Variants in IKBKB observed in about 807,000 individuals in gnomAD.
IKBKB encodes the protein inhibitor of nuclear factor kappa-B kinase subunit beta.
IKBKB carries 42 observed loss-of-function variants against 113.6 expected under a neutral mutation model. The observed-to-expected ratio is 0.37, with a 90% CI of 0.29 to 0.48. IKBKB has a LOEUF of 0.48. IKBKB is among the 20% of genes least tolerant of loss of function. IKBKB has a pLI of 0.99. For synonymous variants in IKBKB, 296 were observed against 361.3 expected (o/e 0.82, Z 2.05); for missense variants, 673 against 939.7 (o/e 0.72, Z 3.71).
At chr8:42,295,029 A>AT (rs371376259) in intron 5 of IKBKB, among the ~76,000 whole-genome samples, 65 of 115,950 alleles carry the variant, frequency 5.6e-4, no homozygotes, top group East Asian at 4.9e-3. Flanking sequence ...TCAAGTTATT[A>AT]TTTTTTTTTT....
chr8:42,330,016 G>A (rs1304616784), intron 21 of IKBKB: 1 of 985,284 alleles, frequency 1.0e-6, no homozygotes, highest in African/African-American at 1.7e-5. Context: ...ATCTCTTGCT[G>A]CTCTCCTCCT....
chr8:42,298,205 G>A, intron 5 of IKBKB: 14 of 985,462 alleles, frequency 1.4e-5, no homozygotes, highest in Non-Finnish European at 1.7e-5. Context: ...AGGCTGTGGT[G>A]CTCTCTCCTG....
At chr8:42,309,512 T>G in intron 8 of IKBKB, 1 of 412,456 alleles carries the variant, frequency 2.4e-6, no homozygotes, top group South Asian at 1.7e-5. Flanking sequence ...CCCAGCACTT[T>G]GGGAGGCCGA....
intron 7 of IKBKB, 85 bp downstream of exon 7, chr8:42,306,517 A>T (rs778052717): frequency 1.2e-6 from 1 of 864,616 alleles, no homozygotes; most frequent in African/African-American, 1.7e-5. Flanking sequence ...TGCTCCCAGC[A>T]CCTGAGTCCC....
chr8:42,326,235 TGTGG>T, intron 20 of IKBKB, 138 bp downstream of exon 20: 1 of 1,032,658 alleles, frequency 9.7e-7, no homozygotes, highest in Non-Finnish European at 1.4e-6. Context: ...TGCTGGGTCC[TGTGG>T]GGACAAAAGT....
chr8:42,330,862 C>T, intron 21 of IKBKB, 52 bp from the exon 22 acceptor site: 2 of 1,613,662 alleles, frequency 1.2e-6, no homozygotes, highest in East Asian at 4.5e-5. Context: ...GGAAAAATAA[C>T]CTGAAATGTG....
rs548662795 is a variant in IKBKB at position 42,324,365 on chromosome 8, A to C, written c.1987-1605A>C. Reference sequence around the variant, plus strand: ...CTGCAACCTCCACCTCCCGGGTTCAAGTGATTCTCCTGCCTCAGCCTCCCA... The same window carrying C: ...CTGCAACCTCCACCTCCCGGGTTCACGTGATTCTCCTGCCTCAGCCTCCCA... On this transcript the variant is annotated intron_variant, in intron 19 of 21. Coordinates refer to ENST00000520810, the MANE Select transcript of IKBKB (RefSeq NM_001556.3). Among the ~76,000 whole-genome samples, 4 of 152,258 alleles carry C rather than the reference A, an allele frequency of 2.6e-5. No homozygotes were observed. The South Asian group carries it at 8.3e-4, about 32-fold the overall frequency.
chr8:42,318,584 C>T lies in IKBKB; in HGVS notation c.1273C>T (p.Gln425Ter). 1 of 1,613,914 alleles carries T rather than the reference C, an allele frequency of 6.2e-7. No individual in the cohort carries two copies. Residue 425 changes from glutamine (Q) to a stop codon, truncating the protein, a stop_gained, in exon 13 of 22, where the codon CAG (glutamine) becomes TAG (stop). Transcript: ENST00000520810. LOFTEE classifies it high-confidence loss of function. The stretch of plus-strand genomic sequence containing the variant: ...GCCCAAGAGGAATCTCGCCTTCTTC[C>T]AGCTGAGGAAGGTGTGGGGCCAGGT... ...QEPKRNLAFFQLRKVWGQVWH... is the reference protein window; with the variant it reads ...QEPKRNLAFF
intron 16 of IKBKB, 183 bp downstream of exon 16, chr8:42,321,027 GAAAAACAGTC>G (rs1358454872): frequency 2.7e-5 from 13 of 488,372 alleles, no homozygotes; most frequent in African/African-American, 2.2e-4. Flanking sequence ...TCAGTGACAA[GAAAAACAGTC>G]TTAAGTCACG....
In IKBKB at chr8:42,279,860, G is replaced by A. The variant is rs559889376; in HGVS notation, c.105+7655G>A. 3.9e-5 allele frequency among the ~76,000 whole-genome samples: 6 copies of A among 152,118 alleles called. No homozygotes were observed. In the South Asian group the frequency reaches 1.3e-3, roughly 32 times the overall value. On this transcript the variant is annotated intron_variant, in intron 2 of 21. Transcript: ENST00000520810. ...CTTCTTTATTGATTTTTTGTTGTTT[G>A]TTTTTTGAGACAGGGTCTCCCTCTG...
intron 13 of IKBKB, 63 bp from the exon 14 acceptor site, chr8:42,319,207 T>C: frequency 6.7e-7 from 1 of 1,492,686 alleles, no homozygotes; most frequent in Non-Finnish European, 9.3e-7. Context: ...GTTTTGTTAT[T>C]GTACAGGAAA....
chr8:42,323,779 G>A (rs1234455551), intron 19 of IKBKB, among the ~76,000 whole-genome samples: 2 of 152,222 alleles, frequency 1.3e-5, no homozygotes, highest in Non-Finnish European at 2.9e-5. Flanking sequence ...GGATGACGAG[G>A]TAGAGAGGAT....
At chr8:42,320,900 C>A in intron 16 of IKBKB, 56 bp downstream of exon 16, 2 of 1,169,374 alleles carry the variant, frequency 1.7e-6, no homozygotes, top group Non-Finnish European at 2.4e-6. Flanking sequence ...AGCCCTGGAG[C>A]TTCGGTGTGT....
intron 19 of IKBKB, among the ~76,000 whole-genome samples, chr8:42,323,225 C>T (rs1279282507): frequency 1.3e-5 from 2 of 152,256 alleles, no homozygotes; most frequent in Non-Finnish European, 2.9e-5. Flanking sequence ...GTCACACTCA[C>T]AGGCTCCAGG....
At chr8:42,308,680 C>T (rs180998422) in intron 7 of IKBKB, among the ~76,000 whole-genome samples, 66 of 152,320 alleles carry the variant, frequency 4.3e-4, no homozygotes, top group African/African-American at 1.5e-3. Context: ...TTTAGCCCCT[C>T]CATCAGTACC....
At chr8:42,283,781 T>A (rs1258979683) in intron 2 of IKBKB, among the ~76,000 whole-genome samples, 1 of 152,228 alleles carries the variant, frequency 6.6e-6, no homozygotes, top group Non-Finnish European at 1.5e-5. Context: ...AGAAAACAAG[T>A]GCCCTCTTCT....
chr8:42,288,005 T>C (rs1178000957), intron 2 of IKBKB, among the ~76,000 whole-genome samples: 1 of 152,116 alleles, frequency 6.6e-6, no homozygotes, highest in Non-Finnish European at 1.5e-5. Flanking sequence ...GAAACCTCTC[T>C]GCGCAGGAAT....
intron 2 of IKBKB, among the ~76,000 whole-genome samples, chr8:42,276,053 A>T (rs1463599531): frequency 6.6e-6 from 1 of 151,944 alleles, no homozygotes; most frequent in African/African-American, 2.4e-5. Flanking sequence ...GTTGGTCAGG[A>T]TGGTCTCGAA....
At chr8:42,293,365 G>A (rs1246785308) in intron 4 of IKBKB, 78 bp from the exon 5 acceptor site, 39 of 1,584,938 alleles carry the variant, frequency 2.5e-5, no homozygotes, top group African/African-American at 5.4e-5. Flanking sequence ...CTGGTCACAT[G>A]GGCTGGTAAG....
Sources: gnomAD v4.1 joint callset for allele counts (sites outside exome capture counted in the v4.1 genomes callset) on GRCh38, gnomAD v4.1.1 for gene constraint, MANE v1.5 for transcripts, NCBI Gene and HGNC (gene_info 2026-07-23, HGNC 2026-07-21) for gene names.